Variants in ZNF385D observed in about 807,000 individuals in gnomAD.
The protein encoded by ZNF385D is zinc finger protein 385D.
A neutral mutation model predicts 35.8 loss-of-function variants in ZNF385D; 15 were observed. That is an observed-to-expected ratio of 0.42 (90% CI 0.28 to 0.64). The LOEUF is 0.64. Ranked by LOEUF, ZNF385D falls within the 30% of genes least tolerant of loss-of-function variation. The pLI is 0.23. For missense variants in ZNF385D, 474 were observed against 494.6 expected (o/e 0.96, Z 0.39); for synonymous variants, 212 against 186.8 (o/e 1.13, Z -1.10).
At chr3:21,643,569 C>G (rs1449712888) in intron 2 of ZNF385D, among the ~76,000 whole-genome samples, 1 of 151,978 alleles carries the variant, frequency 6.6e-6, no homozygotes, top group Non-Finnish European at 1.5e-5. Context: ...TCACAGAATC[C>G]CAGAATGCTC....
intron 3 of ZNF385D, among the ~76,000 whole-genome samples, chr3:22,100,523 T>A (rs1317474391): frequency 6.6e-6 from 1 of 152,122 alleles, no homozygotes; most frequent in Non-Finnish European, 1.5e-5. Flanking sequence ...GATGAGTTCA[T>A]GACCTTTGTA....
chr3:22,261,890 A>G (rs1223222128), intron 2 of ZNF385D, among the ~76,000 whole-genome samples: 2 of 151,666 alleles, frequency 1.3e-5, no homozygotes, highest in African/African-American at 4.8e-5. Context: ...GGTACTTTCC[A>G]TCTCCTATTG....
intron 3 of ZNF385D, among the ~76,000 whole-genome samples, chr3:21,924,803 C>T (rs771031953): frequency 5.3e-5 from 8 of 152,056 alleles, no homozygotes; most frequent in Admixed American, 1.3e-4. Flanking sequence ...CCCCCTCCCA[C>T]ACAAAATTAA....
intron 3 of ZNF385D, among the ~76,000 whole-genome samples, chr3:22,154,781 G>T (rs1705481934): frequency 6.6e-6 from 1 of 152,122 alleles, no homozygotes; most frequent in South Asian, 2.1e-4. Flanking sequence ...AGTAAGTAAT[G>T]CAGGAATACT....
intron 6 of ZNF385D, among the ~76,000 whole-genome samples, chr3:21,425,238 C>T (rs1182831250): frequency 6.6e-6 from 1 of 152,174 alleles, no homozygotes; most frequent in Non-Finnish European, 1.5e-5. Context: ...ATAGTAAAAA[C>T]TCACAGCCAA....
At chr3:21,717,265 G>A (rs1381732824) in intron 1 of ZNF385D, among the ~76,000 whole-genome samples, 1 of 152,168 alleles carries the variant, frequency 6.6e-6, no homozygotes, top group African/African-American at 2.4e-5. Context: ...CTTTAACTAA[G>A]TTCTCCTCTT....
intron 2 of ZNF385D, among the ~76,000 whole-genome samples, chr3:22,204,660 G>A (rs140655830): frequency 9.2e-5 from 14 of 152,036 alleles, no homozygotes; most frequent in African/African-American, 3.4e-4. Context: ...ATTTAACAAA[G>A]ATACTGAAAT....
intron 3 of ZNF385D, among the ~76,000 whole-genome samples, chr3:21,846,623 T>A (rs933861037): frequency 2.0e-5 from 3 of 152,014 alleles, no homozygotes; most frequent in Non-Finnish European, 4.4e-5. Flanking sequence ...AGCAGAGTAC[T>A]ACTGCGGTGG....
At chr3:21,517,108 T>C (rs2125488713) in intron 3 of ZNF385D, among the ~76,000 whole-genome samples, 1 of 152,124 alleles carries the variant, frequency 6.6e-6, no homozygotes, top group African/African-American at 2.4e-5. Flanking sequence ...TTAATGTTGA[T>C]AATATATATT....
intron 3 of ZNF385D, among the ~76,000 whole-genome samples, chr3:21,764,200 T>C (rs1304171862): frequency 6.6e-6 from 1 of 152,146 alleles, no homozygotes; most frequent in Admixed American, 6.6e-5. Flanking sequence ...TAACAGCTTA[T>C]GCAAAGACCC....
At chr3:22,056,496 A>T (rs1283973614) in intron 3 of ZNF385D, among the ~76,000 whole-genome samples, 1 of 152,178 alleles carries the variant, frequency 6.6e-6, no homozygotes, top group African/African-American at 2.4e-5. Context: ...GAGTATTAGG[A>T]TCCATGACCC....
In ZNF385D at chr3:22,338,697, C is replaced by CTTT. The variant is rs1559528462; in HGVS notation, c.106+33752_106+33753insAAA. The stretch of plus-strand genomic sequence containing the variant: ...AATGTGCAGCAAAACATATTCATCT[C>CTTT]ATTTTTTTTTTTTTTTTTTTTGAAG... On this transcript the variant is annotated intron_variant, in intron 2 of 5. Transcript: ENST00000494108. 8.0e-4 allele frequency among the ~76,000 whole-genome samples: 105 copies of CTTT among 131,508 alleles called. 1 individual carries two copies. Among genetic ancestry groups the CTTT allele is most frequent in the African/African-American group, 3.5e-3 (99 of 28,490 alleles). 86.3% of individuals were successfully genotyped at this position (131,508 alleles called of 152,430 possible). A position where few individuals can be genotyped will look rare whatever the true frequency, so the allele number is the denominator to read the frequency against.
chr3:21,534,281 C>G (rs2061988066), intron 3 of ZNF385D, among the ~76,000 whole-genome samples: 2 of 152,018 alleles, frequency 1.3e-5, no homozygotes, highest in Non-Finnish European at 2.9e-5. Flanking sequence ...GCATTGTAGA[C>G]TAGGTGCAAA....
chr3:21,529,600 G>A (rs1388959634), intron 3 of ZNF385D, among the ~76,000 whole-genome samples: 2 of 151,922 alleles, frequency 1.3e-5, no homozygotes, highest in African/African-American at 4.8e-5. Flanking sequence ...AAGTCCCTTT[G>A]GCAAACATTC....
At chr3:22,351,261 T>C (rs1445820070) in intron 2 of ZNF385D, among the ~76,000 whole-genome samples, 1 of 152,138 alleles carries the variant, frequency 6.6e-6, no homozygotes, top group African/African-American at 2.4e-5. Flanking sequence ...TGCATTCTAA[T>C]GTCACTGAGA....
intron 3 of ZNF385D, among the ~76,000 whole-genome samples, chr3:21,902,681 C>T (rs1057127573): frequency 6.6e-6 from 1 of 152,068 alleles, no homozygotes; most frequent in Non-Finnish European, 1.5e-5. Context: ...AAAACTTTAT[C>T]TTCAAGGAAG....
chr3:21,786,221 C>A (rs2071685960), intron 3 of ZNF385D, among the ~76,000 whole-genome samples: 1 of 152,148 alleles, frequency 6.6e-6, no homozygotes, highest in African/African-American at 2.4e-5. Flanking sequence ...TTATAAGCTT[C>A]TCTAAGTGCT....
intron 5 of ZNF385D, among the ~76,000 whole-genome samples, chr3:21,427,504 T>C (rs1701076596): frequency 6.6e-6 from 1 of 152,158 alleles, no homozygotes; most frequent in African/African-American, 2.4e-5. Flanking sequence ...CAATAATACT[T>C]AAGTAGTTTA....
intron 3 of ZNF385D, among the ~76,000 whole-genome samples, chr3:21,515,966 G>A (rs1707533801): frequency 6.6e-6 from 1 of 152,156 alleles, no homozygotes; most frequent in East Asian, 1.9e-4. Flanking sequence ...GGTCTTTTGA[G>A]ATGTTTTTCA....
Sources: allele counts gnomAD v4.1 joint callset (sites outside exome capture counted in the v4.1 genomes callset), GRCh38; gene constraint gnomAD v4.1.1; transcripts MANE v1.5; gene names NCBI Gene and HGNC (gene_info 2026-07-23, HGNC 2026-07-21).